NAP1L4: variants seen among roughly 807,000 people sequenced by gnomAD.
NAP1L4 encodes nucleosome assembly protein 1 like 4.
A neutral mutation model predicts 58.2 loss-of-function variants in NAP1L4; 15 were observed. The ratio of observed to expected loss-of-function variants is 0.26; its 90% confidence interval spans 0.17 to 0.40. The LOEUF (loss-of-function observed/expected upper bound fraction) is 0.40, where lower values mean the gene tolerates loss of function less well. NAP1L4 is among the 10% of genes least tolerant of loss of function. The probability of loss-of-function intolerance (pLI) is 1.00; values close to 1 mark genes in which losing one functional copy is unlikely to be tolerated. For synonymous variants in NAP1L4, 171 were observed against 155.6 expected (o/e 1.10, Z -0.74); for missense variants, 384 against 451.1 (o/e 0.85, Z 1.35).
intron 1 of NAP1L4, among the ~76,000 whole-genome samples, chr11:2,980,707 T>C (rs1027130988): frequency 5.9e-5 from 9 of 152,234 alleles, no homozygotes; most frequent in South Asian, 2.1e-4. Flanking sequence ...CTGAATCACA[T>C]AGCTTTAGGG....
At chr11:2,967,260 G>A (rs1847338238) in intron 7 of NAP1L4, among the ~76,000 whole-genome samples, 1 of 152,120 alleles carries the variant, frequency 6.6e-6, no homozygotes, top group South Asian at 2.1e-4. Flanking sequence ...GCAAGACCAT[G>A]TCCCTTAAAA....
In NAP1L4 at chr11:2,971,479, T is replaced by C. The variant is rs1311653630; in HGVS notation, c.371A>G (p.His124Arg). 11 of 1,613,856 alleles carry C rather than the reference T, an allele frequency of 6.8e-6. No homozygotes were observed. The Admixed American group carries it at 1.8e-4, about 27-fold the overall frequency. The change falls in exon 6 of 16, where the codon CAC (histidine) becomes CGC (arginine). Residue 124 changes from histidine (H) to arginine (R), a missense_variant. By Grantham distance (29) the His-to-Arg change is conservative. This residue lies in a region of NAP1L4 where 296 missense variants were observed against 360.8 expected (regional missense o/e 0.82). Coordinates refer to ENST00000380542, the MANE Select transcript of NAP1L4 (RefSeq NM_005969.4). This position sits in a 1 kb window ranked among gnomAD's most constrained non-coding sequence, Gnocchi z 4.2. ...TTTCTCTTCCTCTTCATTTTCACTG[T>C]GCCATTCCGATTCCGCATCTGTTGG... ...VEPTDAESEW[H>R]SENEEEEKLA...
chr11:2,989,389 T>A (rs1045055414), intron 1 of NAP1L4: 6 of 152,218 alleles, frequency 3.9e-5, no homozygotes, highest in African/African-American at 1.4e-4. Flanking sequence ...GTAACAGCAC[T>A]CGCCTATTTC....
At position 2,949,292 on chromosome 11, in the gene NAP1L4, C is replaced by T; in HGVS notation, c.1123-28G>A. The T allele has an allele frequency of 6.4e-7, 1 of 1,567,318 alleles. No homozygotes were observed. The highest frequency in any genetic ancestry group is 8.8e-7 in the Non-Finnish European group (1 of 1,137,498). ...AAATGGGGAAAAAAATTGAAAGGAA[C>T]TGTCAGCATGAAAGAAAATGAAATG... is the stretch of plus-strand genomic sequence containing the variant. On this transcript the variant is annotated intron_variant, in intron 14 of 15. Coordinates refer to ENST00000380542, the MANE Select transcript of NAP1L4 (RefSeq NM_005969.4). This position sits in a 1 kb window ranked among gnomAD's most constrained non-coding sequence, Gnocchi z 4.0.
chr11:2,991,070 G>C (rs926774123), intron 1 of NAP1L4: 2 of 456,368 alleles, frequency 4.4e-6, no homozygotes, highest in South Asian at 3.1e-5. Context: ...AAGCACAGAC[G>C]AATGTGCCCC....
chr11:2,965,160 A>G (rs1427586698), intron 7 of NAP1L4, among the ~76,000 whole-genome samples: 1 of 152,248 alleles, frequency 6.6e-6, no homozygotes, highest in Non-Finnish European at 1.5e-5. Context: ...TGGAAGTCAG[A>G]AGAGAAGGCT....
intron 6 of NAP1L4, among the ~76,000 whole-genome samples, chr11:2,970,600 C>T (rs1002086314): frequency 4.6e-5 from 7 of 152,006 alleles, no homozygotes; most frequent in African/African-American, 1.5e-4. Context: ...AAAAGGTAGA[C>T]CAAGGGAGGT....
intron 3 of NAP1L4, among the ~76,000 whole-genome samples, chr11:2,977,602 T>C (rs1590260136): frequency 6.6e-6 from 1 of 152,036 alleles, no homozygotes; most frequent in East Asian, 1.9e-4. Context: ...GGGGTAAAAA[T>C]TGCTGAGAAA....
chr11:2,953,029 G>C (rs1846322017), intron 12 of NAP1L4, among the ~76,000 whole-genome samples: 1 of 152,202 alleles, frequency 6.6e-6, no homozygotes, highest in South Asian at 2.1e-4. Flanking sequence ...AGTAACCAGA[G>C]TCTTTACCAT....
In NAP1L4 at chr11:2,951,900, A is replaced by C; in HGVS notation, c.1036-91T>G. ...GTCCCATCAAGTGACTCACTGACCA[A>C]GCCTAAGAGGAGCAGAAAGTCCAGC... On this transcript the variant is annotated intron_variant, in intron 12 of 15. Transcript: ENST00000380542. This position sits in a 1 kb window ranked among gnomAD's most constrained non-coding sequence, Gnocchi z 4.0. 7.7e-7 allele frequency: 1 copy of C among 1,294,866 alleles called. No individual in the cohort carries two copies. The highest frequency in any genetic ancestry group is 1.1e-6 in the Non-Finnish European group (1 of 896,366). The allele number at this position is 1,294,866 out of a possible 1,614,324, so 80.2% of individuals were successfully genotyped here. A position where few individuals can be genotyped will look rare whatever the true frequency, so the allele number is the denominator to read the frequency against.
chr11:2,950,179 G>C (rs116425668), intron 14 of NAP1L4, among the ~76,000 whole-genome samples: 1 of 152,212 alleles, frequency 6.6e-6, no homozygotes, highest in Admixed American at 6.5e-5. Flanking sequence ...CCACCACCAC[G>C]GTGCTGCGCA....
chr11:2,954,366 G>A lies in NAP1L4; in HGVS notation c.1035+161C>T, dbSNP rs1050223689. ...TTCCTCAGACTTCTCCTCTTCAAGC[G>A]TATTCCCCCCACAACAAGGACAGCA... On this transcript the variant is annotated intron_variant, in intron 12 of 15. Transcript: ENST00000380542. This position sits in a 1 kb window ranked among gnomAD's most constrained non-coding sequence, Gnocchi z 4.8. 2.5e-5 allele frequency: 26 copies of A among 1,043,448 alleles called. No homozygotes were observed. Among genetic ancestry groups the A allele is most frequent in the Middle Eastern group, 2.0e-4 (1 of 5,032 alleles). 64.6% of individuals were successfully genotyped at this position (1,043,448 alleles called of 1,614,324 possible).
In NAP1L4 at chr11:2,959,964, A is replaced by G; in HGVS notation, c.607-55T>C. The G allele has an allele frequency of 2.5e-6, 4 of 1,579,000 alleles. No individual in the cohort carries two copies. The highest frequency in any genetic ancestry group is 1.7e-4 in the Middle Eastern group (1 of 5,718). On this transcript the variant is annotated intron_variant, in intron 8 of 15. Coordinates refer to ENST00000380542, the MANE Select transcript of NAP1L4 (RefSeq NM_005969.4). The surrounding 1 kb of genome is among the most constrained non-coding windows in gnomAD (Gnocchi z 4.9). ...GTTAAAATAGAAAAATAACGAGGACAGATTGCTTGGAGTACACAACACTTA... is the reference window on the plus strand; with the variant it reads ...GTTAAAATAGAAAAATAACGAGGACGGATTGCTTGGAGTACACAACACTTA...
At chr11:2,960,278 G>A (rs2133933291) in intron 8 of NAP1L4, 1 of 232,006 alleles carries the variant, frequency 4.3e-6, no homozygotes, top group Admixed American at 5.0e-5. Context: ...TCCTCCTCCT[G>A]TCCTTTTCCG....
At chr11:2,988,638 C>T (rs1848786481) in intron 1 of NAP1L4, among the ~76,000 whole-genome samples, 1 of 152,222 alleles carries the variant, frequency 6.6e-6, no homozygotes, top group African/African-American at 2.4e-5. Flanking sequence ...GTCATTCTTT[C>T]TACCACAAAT....
chr11:2,953,520 G>A (rs1393745352), intron 12 of NAP1L4, among the ~76,000 whole-genome samples: 1 of 152,248 alleles, frequency 6.6e-6, no homozygotes, highest in East Asian at 1.9e-4. Flanking sequence ...ACTGGAAAGT[G>A]CTGGTCTAGA....
intron 14 of NAP1L4, among the ~76,000 whole-genome samples, chr11:2,950,113 A>C (rs776368480): frequency 2.0e-5 from 3 of 152,200 alleles, no homozygotes; most frequent in Admixed American, 6.5e-5. Flanking sequence ...CCCTGTCCGC[A>C]CACTGTGATG....
At chr11:2,979,570 C>T (rs891120849) in intron 1 of NAP1L4, among the ~76,000 whole-genome samples, 3 of 152,050 alleles carry the variant, frequency 2.0e-5, no homozygotes, top group East Asian at 1.9e-4. Context: ...CTCAGGAGTT[C>T]GAGACCGGCC....
intron 1 of NAP1L4, among the ~76,000 whole-genome samples, chr11:2,986,790 T>A (rs1327814450): frequency 1.3e-5 from 2 of 151,820 alleles, no homozygotes; most frequent in Non-Finnish European, 2.9e-5. Context: ...GCTAATTTTT[T>A]TTTTTTTTTG....
Sources: gnomAD v4.1 joint callset for allele counts (sites outside exome capture counted in the v4.1 genomes callset) on GRCh38, gnomAD v4.1.1 for gene constraint, gnomAD v4.1.1 regional missense constraint, Gnocchi (gnomAD v3.1) non-coding constraint, MANE v1.5 for transcripts, NCBI Gene and HGNC (gene_info 2026-07-23, HGNC 2026-07-21) for gene names.